CEP170: variants seen among roughly 807,000 people sequenced by gnomAD.
CEP170 encodes centrosomal protein 170, also known as centrosomal protein of 170 kDa.
CEP170 carries 21 observed loss-of-function variants against 151.9 expected under a neutral mutation model. That is an observed-to-expected ratio of 0.14 (90% CI 0.10 to 0.20). The LOEUF (loss-of-function observed/expected upper bound fraction) is 0.20. CEP170 is among the 10% of genes least tolerant of loss of function. CEP170 has a pLI of 1.00. For synonymous variants in CEP170, 356 were observed against 648.8 expected (o/e 0.55, Z 6.86); for missense variants, 964 against 1,892.9 (o/e 0.51, Z 9.11).
chr1:243,230,991 C>CAGA (rs2063692192), intron 1 of CEP170, among the ~76,000 whole-genome samples: 1 of 151,642 alleles, frequency 6.6e-6, no homozygotes, highest in Non-Finnish European at 1.5e-5. Flanking sequence ...AAAACAGTGA[C>CAGA]AGAAGTGACT....
chr1:243,201,030 A>G (rs1180544635), intron 4 of CEP170, among the ~76,000 whole-genome samples, 195 bp from the exon 5 acceptor site: 2 of 152,096 alleles, frequency 1.3e-5, no homozygotes, highest in African/African-American at 4.8e-5. Context: ...AAAAATCTTA[A>G]GATCCAGCAA....
chr1:243,193,865 T>A (rs1289703517), intron 7 of CEP170, among the ~76,000 whole-genome samples: 7 of 151,904 alleles, frequency 4.6e-5, no homozygotes, highest in Non-Finnish European at 1.0e-4. Context: ...CCCATAAGAT[T>A]GTTGTGAAGA....
chr1:243,176,462 A>G (rs920104805), intron 10 of CEP170, among the ~76,000 whole-genome samples: 19 of 106,704 alleles, frequency 1.8e-4, no homozygotes, highest in East Asian at 1.4e-3. Flanking sequence ...TCTCTCCTAC[A>G]GTTCCCCCGA....
chr1:243,224,681 G>A (rs1222730784), intron 2 of CEP170, among the ~76,000 whole-genome samples: 1 of 152,084 alleles, frequency 6.6e-6, no homozygotes, highest in African/African-American at 2.4e-5. Flanking sequence ...GTAACTTACA[G>A]TAACTTTTAT....
intron 3 of CEP170, among the ~76,000 whole-genome samples, chr1:243,219,327 T>G (rs1290137997): frequency 1.3e-5 from 2 of 152,174 alleles, no homozygotes; most frequent in Non-Finnish European, 2.9e-5. Context: ...CTTTGGAAGG[T>G]AGTATATATG....
intron 18 of CEP170, chr1:243,128,562 T>C (rs1033133907): frequency 5.7e-5 from 22 of 383,098 alleles, no homozygotes; most frequent in Non-Finnish European, 8.7e-5. Context: ...TTACTACTAT[T>C]TAAGCAAAGA....
In CEP170 at chr1:243,158,899, T is replaced by C. The variant is rs563452519; in HGVS notation, c.3677-2444A>G. On this transcript the variant is annotated intron_variant, in intron 13 of 19. Coordinates refer to ENST00000366542, the MANE Select transcript of CEP170 (RefSeq NM_014812.3). ...CTGGCCAACATGGTGAAACCCCATC[T>C]CTACTAAAAATACAAAAATTAGCCA... Among the ~76,000 whole-genome samples, 928 of 151,960 alleles carry C rather than the reference T, an allele frequency of 6.1e-3. 9 individuals are homozygous for C. The highest frequency in any genetic ancestry group is 0.021 in the African/African-American group (882 of 41,424).
chr1:243,155,084 T>C (rs1024611926), intron 14 of CEP170, among the ~76,000 whole-genome samples: 15 of 152,292 alleles, frequency 9.8e-5, no homozygotes, highest in African/African-American at 1.4e-4. Flanking sequence ...CCAAAGTACA[T>C]ATATGCCTTT....
At position 243,238,942 on chromosome 1, in the gene CEP170, G is replaced by A. The variant is rs1423982537; in HGVS notation, c.-41-13621C>T. Among the ~76,000 whole-genome samples the A allele has an allele frequency of 3.3e-5, 5 of 152,208 alleles. No homozygotes were observed. The South Asian group carries it at 6.2e-4, about 19-fold the overall frequency. On this transcript the variant is annotated intron_variant, in intron 1 of 19. Coordinates refer to ENST00000366542, the MANE Select transcript of CEP170 (RefSeq NM_014812.3). ...GCTTTCCTCTCACTTCTGTGGGCAC[G>A]CCTCAATCTCTTTGAAAGTGTCTAC...
At chr1:243,184,231 T>G (rs2059802700) in intron 10 of CEP170, among the ~76,000 whole-genome samples, 1 of 152,008 alleles carries the variant, frequency 6.6e-6, no homozygotes, top group Non-Finnish European at 1.5e-5. Context: ...GTTTCAGAGA[T>G]AAAAGAAACT....
chr1:243,169,791 C>G (rs1319160360), intron 11 of CEP170, 37 bp from the exon 12 acceptor site: 1 of 1,577,284 alleles, frequency 6.3e-7, no homozygotes, highest in Non-Finnish European at 8.6e-7. Flanking sequence ...ATCATGCAGC[C>G]TGGTCATATC....
rs543447321 is a variant in CEP170 at position 243,185,410 on chromosome 1, C to A, written c.1566+369G>T. 5.9e-5 allele frequency among the ~76,000 whole-genome samples: 9 copies of A among 152,174 alleles called. No individual in the cohort carries two copies. Among genetic ancestry groups the A allele is most frequent in the Admixed American group, 5.9e-4 (9 of 15,280 alleles). On this transcript the variant is annotated intron_variant, in intron 10 of 19. Transcript: ENST00000366542. The surrounding 1 kb of genome is among the most constrained non-coding windows in gnomAD (Gnocchi z 4.9). ...GTTAACTATTATTGGCTAATATCTA[C>A]ATTTATGTTAACAGAGTTATAGCAA...
intron 13 of CEP170, among the ~76,000 whole-genome samples, chr1:243,159,623 T>C (rs951640796): frequency 1.9e-4 from 29 of 152,252 alleles, no homozygotes; most frequent in African/African-American, 7.0e-4. Context: ...AATTCTTCCA[T>C]TTAAAGAGAA....
chr1:243,156,138 A>G (rs2057526834), intron 14 of CEP170, 83 bp downstream of exon 14: 1 of 1,459,618 alleles, frequency 6.9e-7, no homozygotes, highest in Non-Finnish European at 9.1e-7. Flanking sequence ...ATTAGTAAAA[A>G]TCAAGTACAA....
At chr1:243,180,014 A>G (rs2059518672) in intron 10 of CEP170, among the ~76,000 whole-genome samples, 1 of 152,210 alleles carries the variant, frequency 6.6e-6, no homozygotes, top group Non-Finnish European at 1.5e-5. Flanking sequence ...AAAAAGTTAC[A>G]GAGATGGATG....
intron 13 of CEP170, among the ~76,000 whole-genome samples, chr1:243,161,596 TA>T (rs1393844826): frequency 6.6e-6 from 1 of 152,110 alleles, no homozygotes; most frequent in Non-Finnish European, 1.5e-5. Flanking sequence ...TGGCCTCCCC[TA>T]AAATACTGGG....
intron 1 of CEP170, among the ~76,000 whole-genome samples, chr1:243,246,708 G>C (rs950201987): frequency 2.6e-5 from 4 of 152,066 alleles, no homozygotes; most frequent in African/African-American, 9.7e-5. Context: ...AGGGTTACTG[G>C]CTAGTGGGAT....
At chr1:243,170,046 C>T (rs778078164) in intron 11 of CEP170, among the ~76,000 whole-genome samples, 1 of 152,134 alleles carries the variant, frequency 6.6e-6, no homozygotes, top group East Asian at 1.9e-4. Flanking sequence ...TGGAAAGCTA[C>T]GATGGAAACT....
chr1:243,240,908 G>T (rs1405400777), intron 1 of CEP170, among the ~76,000 whole-genome samples: 1 of 152,118 alleles, frequency 6.6e-6, no homozygotes, highest in Non-Finnish European at 1.5e-5. Flanking sequence ...GGCCAGGCTG[G>T]TCTTGAACTC....
Sources: allele counts gnomAD v4.1 joint callset (sites outside exome capture counted in the v4.1 genomes callset), GRCh38; gene constraint gnomAD v4.1.1; non-coding constraint Gnocchi (gnomAD v3.1); transcripts MANE v1.5; gene names NCBI Gene and HGNC (gene_info 2026-07-23, HGNC 2026-07-21).